DLG2: variants seen among roughly 807,000 people sequenced by gnomAD.
The protein encoded by DLG2 is disks large homolog 2.
Under a neutral mutation model 132.5 loss-of-function variants are expected in DLG2, and 45 were observed. That is an observed-to-expected ratio of 0.34 (90% confidence interval 0.27 to 0.44). The LOEUF (loss-of-function observed/expected upper bound fraction) is 0.44, where lower values mean the gene tolerates loss of function less well. DLG2 is among the 20% of genes least tolerant of loss of function. The pLI is 1.00. For synonymous variants in DLG2, 424 were observed against 419.6 expected (o/e 1.01, Z -0.13); for missense variants, 1,045 against 1,196.9 (o/e 0.87, Z 1.87).
At chr11:84,297,891 A>G (rs2098111989) in intron 7 of DLG2, among the ~76,000 whole-genome samples, 1 of 152,054 alleles carries the variant, frequency 6.6e-6, no homozygotes, top group Non-Finnish European at 1.5e-5. Flanking sequence ...CTAGTCTTTT[A>G]TCTGTAACAC....
chr11:84,089,337 T>C (rs1172628528), intron 10 of DLG2, among the ~76,000 whole-genome samples: 1 of 152,182 alleles, frequency 6.6e-6, no homozygotes, highest in Non-Finnish European at 1.5e-5. Flanking sequence ...TTTCTAAGCC[T>C]TCATCTCGTG....
At chr11:83,772,875 C>CT (rs2094453060) in intron 18 of DLG2, among the ~76,000 whole-genome samples, 2 of 152,072 alleles carry the variant, frequency 1.3e-5, no homozygotes, top group Non-Finnish European at 2.9e-5. Context: ...TAACTGGCTA[C>CT]TAATAGGGGC....
chr11:83,708,132 T>C (rs1308259900), intron 18 of DLG2, among the ~76,000 whole-genome samples: 2 of 152,214 alleles, frequency 1.3e-5, no homozygotes, highest in African/African-American at 4.8e-5. Flanking sequence ...AAATATTAGA[T>C]ATTATGATAA....
chr11:85,446,131 T>C (rs967160921), intron 3 of DLG2, among the ~76,000 whole-genome samples: 3 of 152,290 alleles, frequency 2.0e-5, no homozygotes, highest in Admixed American at 2.0e-4. Flanking sequence ...AAATAAAATG[T>C]TGGTATGGTG....
chr11:84,296,410 A>G (rs1350857645), intron 7 of DLG2, among the ~76,000 whole-genome samples: 1 of 152,116 alleles, frequency 6.6e-6, no homozygotes, highest in Non-Finnish European at 1.5e-5. Flanking sequence ...TAATGAACCC[A>G]ATGGATGTGT....
In DLG2 at chr11:84,225,473, A is replaced by G. The variant is rs543351764; in HGVS notation, c.573+25765T>C. ...GGAAGATCTCGTGTCACGATTTTTA[A>G]TTGTCCTGAATGACCTGCTCGATGG... On this transcript the variant is annotated intron_variant, in intron 8 of 27. Transcript: ENST00000376104. Among the ~76,000 whole-genome samples the G allele has an allele frequency of 3.3e-5, 5 of 152,308 alleles. No homozygotes were observed. The South Asian group carries it at 1.0e-3, about 32-fold the overall frequency.
intron 21 of DLG2, among the ~76,000 whole-genome samples, chr11:83,522,197 C>T (rs1219195818): frequency 3.3e-5 from 5 of 152,186 alleles, no homozygotes; most frequent in African/African-American, 7.2e-5. Flanking sequence ...ACCTTTTCTT[C>T]GGACCCTTTC....
In DLG2 at chr11:83,702,683, G is replaced by A. The variant is rs539465214; in HGVS notation, c.1826-69358C>T. Among the ~76,000 whole-genome samples, 136 of 152,290 alleles carry A rather than the reference G, an allele frequency of 8.9e-4. 1 individual carries two copies. The highest frequency in any genetic ancestry group is 8.5e-3 in the South Asian group (41 of 4,826). On this transcript the variant is annotated intron_variant, in intron 18 of 27. Transcript: ENST00000376104. ...TTCCTGTGTGTTGATTGAAACTGAGGTTGAAGACACTGATCTGTCTCTTCC... is the reference window on the plus strand; with the variant it reads ...TTCCTGTGTGTTGATTGAAACTGAGATTGAAGACACTGATCTGTCTCTTCC...
intron 3 of DLG2, among the ~76,000 whole-genome samples, chr11:85,533,758 T>C (rs2075378532): frequency 6.6e-6 from 1 of 152,308 alleles, no homozygotes; most frequent in East Asian, 1.9e-4. Flanking sequence ...GGATTGTGAA[T>C]CGGAAAACAT....
chr11:84,285,471 T>C (rs2097900601), intron 7 of DLG2, among the ~76,000 whole-genome samples: 1 of 152,204 alleles, frequency 6.6e-6, no homozygotes, highest in South Asian at 2.1e-4. Context: ...CCTATGCAAA[T>C]GCCAGTTCTT....
At chr11:85,127,771 T>C (rs2075300606) in intron 5 of DLG2, among the ~76,000 whole-genome samples, 1 of 152,236 alleles carries the variant, frequency 6.6e-6, no homozygotes, top group Non-Finnish European at 1.5e-5. Flanking sequence ...CATGAAGCTC[T>C]GGTGGAAAAT....
intron 2 of DLG2, among the ~76,000 whole-genome samples, chr11:85,611,052 C>G (rs576088783): frequency 6.6e-6 from 1 of 152,314 alleles, no homozygotes; most frequent in South Asian, 2.1e-4. Context: ...AGCCTTCCCA[C>G]AGGACAAAAC....
rs764212517 is a variant in DLG2, at chr11:85,355,532, A to G, written c.41-70167T>C. Reference sequence around the variant, plus strand: ...AAATAAATGGTCTAATCAACTTTAAATTATACTAGGTTTCTCATAACAGCT... The same window carrying G: ...AAATAAATGGTCTAATCAACTTTAAGTTATACTAGGTTTCTCATAACAGCT... On this transcript the variant is annotated intron_variant, in intron 3 of 27. Coordinates refer to ENST00000376104, the MANE Select transcript of DLG2 (RefSeq NM_001142699.3). 3.8e-4 allele frequency among the ~76,000 whole-genome samples: 58 copies of G among 152,290 alleles called. 1 individual carries two copies. Among genetic ancestry groups the G allele is most frequent in the Non-Finnish European group, 6.0e-4 (41 of 68,006 alleles).
intron 4 of DLG2, among the ~76,000 whole-genome samples, chr11:85,209,996 A>C (rs2082156106): frequency 6.6e-6 from 1 of 151,834 alleles, no homozygotes; most frequent in South Asian, 2.1e-4. Flanking sequence ...GGTTTTCATT[A>C]ATAAGTCACT....
chr11:84,601,594 G>A (rs73511131), intron 6 of DLG2, among the ~76,000 whole-genome samples: 20,912 of 151,696 alleles, frequency 0.14, 1,627 homozygotes, highest in African/African-American at 0.22. Flanking sequence ...TTGGTATCTC[G>A]GTAGAATTGA....
intron 6 of DLG2, among the ~76,000 whole-genome samples, chr11:84,802,729 G>T (rs1025323068): frequency 2.0e-5 from 3 of 151,494 alleles, no homozygotes; most frequent in Non-Finnish European, 2.9e-5. Context: ...CAGAGGAATT[G>T]TTCTGTGTTA....
intron 6 of DLG2, chr11:85,021,616 G>A: frequency 7.4e-7 from 1 of 1,346,030 alleles, no homozygotes; most frequent in Non-Finnish European, 1.1e-6. Flanking sequence ...GGAGTTCATG[G>A]AGCGAGGATC....
At chr11:85,322,793 C>T (rs76771657) in intron 3 of DLG2, among the ~76,000 whole-genome samples, 1 of 152,000 alleles carries the variant, frequency 6.6e-6, no homozygotes, top group Non-Finnish European at 1.5e-5. Context: ...ATTATGAAGT[C>T]TATAGATCCT....
chr11:84,640,378 A>G (rs1392590602), intron 6 of DLG2: 2 of 370,732 alleles, frequency 5.4e-6, no homozygotes, highest in East Asian at 1.9e-4. Context: ...ATAAGGCCAA[A>G]TGTTGCTTGT....
Sources: allele counts gnomAD v4.1 joint callset (sites outside exome capture counted in the v4.1 genomes callset), GRCh38; gene constraint gnomAD v4.1.1; transcripts MANE v1.5; gene names NCBI Gene and HGNC (gene_info 2026-07-23, HGNC 2026-07-21).